SOX6: variants seen among roughly 807,000 people sequenced by gnomAD.
SOX6 encodes SRY-box transcription factor 6.
SOX6 carries 11 observed loss-of-function variants against 97.8 expected under a neutral mutation model. The observed-to-expected ratio is 0.11, with a 90% CI of 0.07 to 0.19. The LOEUF is 0.19. Among genes scored for constraint, SOX6 ranks in the 10% least tolerant of loss-of-function variants. SOX6 has a pLI of 1.00. For synonymous variants in SOX6, 360 were observed against 371.4 expected (o/e 0.97, Z 0.35); for missense variants, 810 against 1,039.5 (o/e 0.78, Z 3.04).
intron 1 of SOX6, among the ~76,000 whole-genome samples, chr11:16,399,034 T>C (rs1431840975): frequency 6.6e-6 from 1 of 151,354 alleles, no homozygotes; most frequent in African/African-American, 2.4e-5. Flanking sequence ...ATTACTGAAC[T>C]AGTAGAACTC....
intron 3 of SOX6, chr11:16,270,066 G>A (rs1590079603): frequency 6.6e-6 from 1 of 151,172 alleles, no homozygotes; most frequent in African/African-American, 2.4e-5. Flanking sequence ...AGAGTATTTT[G>A]TCCTGTTAAT....
At chr11:16,298,477 G>C (rs1195394941) in intron 3 of SOX6, among the ~76,000 whole-genome samples, 1 of 151,870 alleles carries the variant, frequency 6.6e-6, no homozygotes, top group African/African-American at 2.4e-5. Context: ...CCTATGTGAT[G>C]CAAATAAATA....
chr11:16,335,216 AC>A (rs1487357692), intron 2 of SOX6, among the ~76,000 whole-genome samples: 1 of 152,224 alleles, frequency 6.6e-6, no homozygotes, highest in East Asian at 1.9e-4. Flanking sequence ...CCTAGAAAAT[AC>A]TATTCAGTGA....
Position 16,462,771 on chromosome 11 carries a change from A to T in SOX6, c.-5+13544T>A, listed in dbSNP as rs1201393754. ...GACACACTTCTCCTCCAGGAAAAAA[A>T]CTCAGCAGGGCAGGCAACAATCACT... On this transcript the variant is annotated intron_variant, in intron 1 of 15. Transcript: ENST00000396356. Among the ~76,000 whole-genome samples the T allele has an allele frequency of 2.0e-5, 3 of 152,168 alleles. No individual in the cohort carries two copies. The East Asian group carries it at 5.8e-4, about 29-fold the overall frequency.
chr11:16,397,079 C>G (rs1858381588), intron 1 of SOX6, among the ~76,000 whole-genome samples: 1 of 151,258 alleles, frequency 6.6e-6, no homozygotes, highest in South Asian at 2.1e-4. Flanking sequence ...TACCTAAGAA[C>G]CCAGAACTTC....
At chr11:16,548,335 G>C (rs1847643744) in intron 4 of SOX6, among the ~76,000 whole-genome samples, 1 of 152,154 alleles carries the variant, frequency 6.6e-6, no homozygotes, top group Non-Finnish European at 1.5e-5. Flanking sequence ...AGAATGAAGA[G>C]TGTTAGAAAT....
intron 4 of SOX6, among the ~76,000 whole-genome samples, chr11:16,223,926 CT>C (rs1217756657): frequency 1.3e-5 from 2 of 151,886 alleles, no homozygotes; most frequent in African/African-American, 2.4e-5. Context: ...AAAACATATC[CT>C]TTTTTGTTTC....
intron 4 of SOX6, among the ~76,000 whole-genome samples, chr11:16,200,716 C>A (rs1288257114): frequency 3.3e-5 from 5 of 152,046 alleles, no homozygotes; most frequent in Admixed American, 3.3e-4. Context: ...TATATAAAAT[C>A]TTCTAAATTA....
At chr11:16,073,177 A>T (rs1848265499) in intron 9 of SOX6, among the ~76,000 whole-genome samples, 1 of 152,166 alleles carries the variant, frequency 6.6e-6, no homozygotes. Context: ...GCAAGACCTA[A>T]CTATGAGCTG....
intron 9 of SOX6, among the ~76,000 whole-genome samples, chr11:16,089,664 GGAACTGGCA>G (rs1185364818): frequency 1.1e-4 from 17 of 152,030 alleles, no homozygotes; most frequent in Middle Eastern, 3.2e-3. Context: ...ACAGAAAAGA[GGAACTGGCA>G]GAACAGTAAT....
chr11:16,014,601 T>C (rs1854826835), intron 13 of SOX6, among the ~76,000 whole-genome samples: 1 of 152,104 alleles, frequency 6.6e-6, no homozygotes, highest in Non-Finnish European at 1.5e-5. Flanking sequence ...TTCTAAGTTT[T>C]CCCTTTTTAA....
intron 13 of SOX6, among the ~76,000 whole-genome samples, chr11:16,007,137 A>AT (rs1854579146): frequency 6.6e-6 from 1 of 152,058 alleles, no homozygotes; most frequent in Admixed American, 6.6e-5. Context: ...TCCTTTGGCA[A>AT]TTTTGTCATT....
rs1226498804 is a variant in SOX6 at position 16,605,292 on chromosome 11, G to A, written n.609+6789C>T. 6.6e-6 allele frequency among the ~76,000 whole-genome samples: 1 copy of A among 152,084 alleles called. No individual in the cohort carries two copies. Among genetic ancestry groups the A allele is most frequent in the African/African-American group, 2.4e-5 (1 of 41,436 alleles). On this transcript the variant is annotated intron_variant and non_coding_transcript_variant, in intron 4 of 5. Transcript: ENST00000524520. This position sits in a 1 kb window ranked among gnomAD's most constrained non-coding sequence, Gnocchi z 5.3. ...GCGCTCGGCCGGGTGACTCCCTGGC[G>A]AAGTCCGCGCCCGGCGGGGCTGAAC...
intron 1 of SOX6, among the ~76,000 whole-genome samples, chr11:16,396,068 G>A (rs1032252654): frequency 2.0e-5 from 3 of 151,484 alleles, no homozygotes; most frequent in South Asian, 2.1e-4. Context: ...CCTCTTATAC[G>A]TTTTGTTTCC....
At chr11:16,008,333 T>C (rs1009008709) in intron 13 of SOX6, among the ~76,000 whole-genome samples, 2 of 152,078 alleles carry the variant, frequency 1.3e-5, no homozygotes, top group Non-Finnish European at 2.9e-5. Context: ...GATTCAGTAA[T>C]GACATAGACA....
chr11:16,097,475 A>G (rs1848829282), intron 8 of SOX6, 134 bp downstream of exon 8: 3 of 763,756 alleles, frequency 3.9e-6, no homozygotes, highest in Non-Finnish European at 6.9e-6. Context: ...CGATAAGCAA[A>G]TAAGGTGTTA....
chr11:16,248,082 T>A (rs1317510894), intron 3 of SOX6, among the ~76,000 whole-genome samples: 1 of 152,158 alleles, frequency 6.6e-6, no homozygotes, highest in African/African-American at 2.4e-5. Context: ...AAGGCAGTCA[T>A]TAAACCTTAA....
intron 9 of SOX6, among the ~76,000 whole-genome samples, chr11:16,072,530 T>C (rs1848250118): frequency 6.6e-6 from 1 of 152,192 alleles, no homozygotes; most frequent in Admixed American, 6.5e-5. Context: ...TGTTTGAAGA[T>C]ATCATCCATG....
chr11:16,290,770 C>A (rs1356222010), intron 3 of SOX6, among the ~76,000 whole-genome samples: 2 of 152,092 alleles, frequency 1.3e-5, no homozygotes, highest in Admixed American at 6.6e-5. Context: ...CTGTGTATAG[C>A]AGAATGTCAT....
Sources: allele counts gnomAD v4.1 joint callset (sites outside exome capture counted in the v4.1 genomes callset), GRCh38; gene constraint gnomAD v4.1.1; non-coding constraint Gnocchi (gnomAD v3.1); transcripts MANE v1.5; gene names NCBI Gene and HGNC (gene_info 2026-07-23, HGNC 2026-07-21).